The following ZMAT4 variants were observed in gnomAD, a reference collection of about 807,000 sequenced individuals.
ZMAT4 encodes zinc finger matrin-type 4, also known as zinc finger matrin-type protein 4.
ZMAT4 carries 17 observed loss-of-function variants against 28.7 expected under a neutral mutation model. The observed-to-expected ratio is 0.59, with a 90% CI of 0.41 to 0.89. The LOEUF (loss-of-function observed/expected upper bound fraction) is 0.89. ZMAT4 is among the 40% of genes least tolerant of loss of function. ZMAT4 has a pLI of 0.00. For synonymous variants in ZMAT4, 117 were observed against 109.2 expected (o/e 1.07, Z -0.44); for missense variants, 240 against 283.8 (o/e 0.85, Z 1.11).
intron 3 of ZMAT4, among the ~76,000 whole-genome samples, chr8:40,751,561 A>G (rs1172689720): frequency 2.0e-5 from 3 of 152,078 alleles, no homozygotes; most frequent in Non-Finnish European, 4.4e-5. Context: ...GCCTCCCACC[A>G]GGTCCCACTT....
chr8:40,798,488 A>G (rs1380315399), intron 2 of ZMAT4, among the ~76,000 whole-genome samples: 1 of 152,180 alleles, frequency 6.6e-6, no homozygotes, highest in Non-Finnish European at 1.5e-5. Context: ...AACACTAGAA[A>G]CCAATAAATA....
intron 5 of ZMAT4, among the ~76,000 whole-genome samples, chr8:40,605,344 C>G (rs28778709): frequency 0.21 from 31,312 of 152,044 alleles, 3,351 homozygotes; most frequent in Middle Eastern, 0.26. Flanking sequence ...CTTAGCACCA[C>G]TTTTGCTGTA....
chr8:40,575,543 A>T (rs996670777), intron 6 of ZMAT4, among the ~76,000 whole-genome samples: 1 of 151,950 alleles, frequency 6.6e-6, no homozygotes, highest in Non-Finnish European at 1.5e-5. Context: ...GGCATTTACA[A>T]CATCACTACT....
At chr8:40,698,880 G>A (rs1236340388) in intron 3 of ZMAT4, among the ~76,000 whole-genome samples, 2 of 152,012 alleles carry the variant, frequency 1.3e-5, no homozygotes, top group East Asian at 1.9e-4. Context: ...AGGGACCACT[G>A]GAGAGAGGAG....
Position 40,806,908 on chromosome 8 carries a change from T to A in ZMAT4, c.102+18667A>T, listed in dbSNP as rs569859107. ...AATGCAGGCACACATCACAGTTGTT[T>A]ATCACCAGGCTCCAAACTTAGAAGA... On this transcript the variant is annotated intron_variant, in intron 2 of 6. Coordinates refer to ENST00000297737, the MANE Select transcript of ZMAT4 (RefSeq NM_024645.3). Among the ~76,000 whole-genome samples the A allele has an allele frequency of 3.1e-3, 464 of 152,084 alleles. 2 individuals carry two copies. The highest frequency in any genetic ancestry group is 0.011 in the African/African-American group (453 of 41,490).
At chr8:40,815,394 G>A (rs1292099627) in intron 2 of ZMAT4, among the ~76,000 whole-genome samples, 1 of 152,210 alleles carries the variant, frequency 6.6e-6, no homozygotes, top group African/African-American at 2.4e-5. Flanking sequence ...TGAATTTGGT[G>A]TCAAAAGCAA....
At chr8:40,651,176 C>G (rs1807629191) in intron 5 of ZMAT4, among the ~76,000 whole-genome samples, 1 of 151,990 alleles carries the variant, frequency 6.6e-6, no homozygotes, top group African/African-American at 2.4e-5. Context: ...ATCTAGAAAA[C>G]CCCATTGTCT....
intron 2 of ZMAT4, among the ~76,000 whole-genome samples, chr8:40,796,416 T>A (rs1814602996): frequency 6.6e-6 from 1 of 152,190 alleles, no homozygotes. Flanking sequence ...GGTGCTTCTT[T>A]TTGTGTATTT....
At chr8:40,794,484 C>T (rs1814499129) in intron 2 of ZMAT4, among the ~76,000 whole-genome samples, 1 of 152,158 alleles carries the variant, frequency 6.6e-6, no homozygotes, top group Admixed American at 6.5e-5. Flanking sequence ...ACAGAATAGC[C>T]CACAGTCCTG....
At chr8:40,855,733 T>C (rs1014606852) in intron 1 of ZMAT4, among the ~76,000 whole-genome samples, 11 of 151,824 alleles carry the variant, frequency 7.2e-5, no homozygotes, top group Non-Finnish European at 1.3e-4. Context: ...TGGAGTACAG[T>C]AGTGTGATCA....
chr8:40,601,501 GAA>G (rs1365719484), intron 5 of ZMAT4, among the ~76,000 whole-genome samples: 1 of 144,272 alleles, frequency 6.9e-6, no homozygotes, highest in African/African-American at 2.5e-5. Flanking sequence ...AAGAGAGAAA[GAA>G]AGAAAGAGAA....
At chr8:40,815,102 C>T (rs1401546115) in intron 2 of ZMAT4, among the ~76,000 whole-genome samples, 1 of 152,054 alleles carries the variant, frequency 6.6e-6, no homozygotes, top group Non-Finnish European at 1.5e-5. Context: ...TGGTGAAACC[C>T]TGTCGCTATT....
chr8:40,790,985 A>G (rs946606811), intron 2 of ZMAT4, among the ~76,000 whole-genome samples: 2 of 152,258 alleles, frequency 1.3e-5, no homozygotes, highest in Non-Finnish European at 2.9e-5. Flanking sequence ...ATTCACATTT[A>G]TATGGTCAAT....
chr8:40,761,217 A>G (rs2150555991), intron 3 of ZMAT4, among the ~76,000 whole-genome samples: 1 of 152,340 alleles, frequency 6.6e-6, no homozygotes, highest in East Asian at 1.9e-4. Flanking sequence ...TCCAATTCCA[A>G]ACAAGTTTTA....
rs1413529857 is a variant in ZMAT4 at position 40,674,867 on chromosome 8, A to G, written c.414T>C (p.Tyr138=). The G allele has an allele frequency of 3.1e-6, 5 of 1,613,312 alleles. No homozygotes were observed. In the African/African-American group the frequency reaches 5.4e-5, roughly 17 times the overall value. Residue 138 remains tyrosine, a synonymous_variant, in exon 5 of 7, where the codon TAT becomes TAC. Transcript: ENST00000297737. ...AGTATCTGTCTGAATCTCTTCTTTG[A>G]TAGGGAGATGCGACCACCGGAGCAG... ...MDTAPVVASP[Y]QRRDSDRYCG... is the part of the protein sequence containing the mutation.
intron 5 of ZMAT4, among the ~76,000 whole-genome samples, chr8:40,664,651 G>A (rs1420939737): frequency 6.6e-6 from 1 of 152,148 alleles, no homozygotes; most frequent in Non-Finnish European, 1.5e-5. Flanking sequence ...AGAACCTCAA[G>A]GCAGAATCAC....
At chr8:40,678,963 T>G (rs1176440941) in intron 4 of ZMAT4, among the ~76,000 whole-genome samples, 1 of 152,206 alleles carries the variant, frequency 6.6e-6, no homozygotes, top group African/African-American at 2.4e-5. Flanking sequence ...TGTGCCTTAT[T>G]ATACATCCCA....
chr8:40,558,119 C>T (rs1045877046), intron 6 of ZMAT4, among the ~76,000 whole-genome samples: 1 of 152,056 alleles, frequency 6.6e-6, no homozygotes, highest in Non-Finnish European at 1.5e-5. Context: ...AGAAAGAAGG[C>T]CGGCCAGGCT....
chr8:40,627,241 T>C (rs938577818), intron 5 of ZMAT4, among the ~76,000 whole-genome samples: 1 of 152,186 alleles, frequency 6.6e-6, no homozygotes, highest in African/African-American at 2.4e-5. Flanking sequence ...GAGGCTGAGA[T>C]TTTCAAGGGC....
Sources: allele counts gnomAD v4.1 joint callset (sites outside exome capture counted in the v4.1 genomes callset), GRCh38; gene constraint gnomAD v4.1.1; transcripts MANE v1.5; gene names NCBI Gene and HGNC (gene_info 2026-07-23, HGNC 2026-07-21).